The following TNIP3 variants were observed in gnomAD, a reference collection of about 807,000 sequenced individuals.
TNIP3 encodes TNFAIP3 interacting protein 3, also known as TNFAIP3-interacting protein 3.
In TNIP3, 34 loss-of-function variants were observed where a neutral mutation model predicts 54.1. That is an observed-to-expected ratio of 0.63 (90% confidence interval 0.48 to 0.84). The LOEUF is 0.84. TNIP3 is among the 40% of genes least tolerant of loss of function. TNIP3 has a pLI of 0.00. For synonymous variants in TNIP3, 134 were observed against 136.8 expected (o/e 0.98, Z 0.14); for missense variants, 366 against 387.6 (o/e 0.94, Z 0.47).
chr4:121,138,302 A>C (rs1728909350), intron 10 of TNIP3, among the ~76,000 whole-genome samples: 1 of 152,202 alleles, frequency 6.6e-6, no homozygotes, highest in Admixed American at 6.5e-5. Context: ...TGTGCTTTGT[A>C]GTACAATTGC....
chr4:121,148,516 G>A (rs575294608), intron 6 of TNIP3, among the ~76,000 whole-genome samples: 2 of 152,300 alleles, frequency 1.3e-5, no homozygotes, highest in African/African-American at 4.8e-5. Flanking sequence ...AGTGCTTTTG[G>A]TTTTTGAAGA....
At chr4:121,211,844 AGCTG>A (rs1726492329) in intron 2 of TNIP3, among the ~76,000 whole-genome samples, 1 of 152,206 alleles carries the variant, frequency 6.6e-6, no homozygotes, top group African/African-American at 2.4e-5. Flanking sequence ...AAATTCATTC[AGCTG>A]GCTGCAGGTT....
intron 2 of TNIP3, among the ~76,000 whole-genome samples, chr4:121,205,474 G>A (rs989317538): frequency 6.6e-6 from 1 of 152,114 alleles, no homozygotes; most frequent in African/African-American, 2.4e-5. Flanking sequence ...GAGTGAATGG[G>A]GGTTTTCAGC....
intron 3 of TNIP3, among the ~76,000 whole-genome samples, chr4:121,175,543 A>G (rs149419836): frequency 6.6e-6 from 1 of 152,278 alleles, no homozygotes; most frequent in Non-Finnish European, 1.5e-5. Flanking sequence ...GGCAGAGAGA[A>G]TCCTCTTCTA....
intron 2 of TNIP3, among the ~76,000 whole-genome samples, chr4:121,209,174 C>T (rs1242727964): frequency 6.6e-6 from 1 of 152,194 alleles, no homozygotes; most frequent in African/African-American, 2.4e-5. Context: ...ATCCCCATGC[C>T]TCACCCTTTG....
intron 2 of TNIP3, among the ~76,000 whole-genome samples, chr4:121,212,145 T>C (rs1726509257): frequency 6.6e-6 from 1 of 152,224 alleles, no homozygotes; most frequent in African/African-American, 2.4e-5. Flanking sequence ...GCATAAAGTA[T>C]TCAAGGCAGA....
chr4:121,176,191 G>T (rs1424907049), intron 3 of TNIP3, among the ~76,000 whole-genome samples: 2 of 152,144 alleles, frequency 1.3e-5, no homozygotes, highest in Non-Finnish European at 2.9e-5. Context: ...AAAGATGCAT[G>T]GCTCATTTAA....
At chr4:121,134,275 T>C (rs990326113) in intron 10 of TNIP3, among the ~76,000 whole-genome samples, 1 of 152,214 alleles carries the variant, frequency 6.6e-6, no homozygotes, top group Non-Finnish European at 1.5e-5. Flanking sequence ...ATTTGGAATG[T>C]ACAGAAGTGA....
rs1053190477 is a variant in TNIP3, at chr4:121,154,334, T to C, written c.492+217A>G. ...TCCTCCTCATTTCTCTTTCTCATGATGAATCTTTGTAGGGACAAAAATTCT... is the reference window on the plus strand; with the variant it reads ...TCCTCCTCATTTCTCTTTCTCATGACGAATCTTTGTAGGGACAAAAATTCT... On this transcript the variant is annotated intron_variant, in intron 5 of 10. Transcript: ENST00000057513. The C allele has an allele frequency of 1.9e-5, 10 of 514,814 alleles. No homozygotes were observed. The Admixed American group carries it at 3.5e-4, about 18-fold the overall frequency. 31.9% of individuals were successfully genotyped at this position (514,814 alleles called of 1,614,324 possible).
chr4:121,136,478 C>T (rs1429134724), intron 10 of TNIP3: 1 of 152,076 alleles, frequency 6.6e-6, no homozygotes, highest in Non-Finnish European at 1.5e-5. Flanking sequence ...TTCTCTAAGC[C>T]TCAGTTTCCT....
At chr4:121,166,894 T>C (rs919825641), upstream of TNIP3, among the ~76,000 whole-genome samples, 9 of 152,282 alleles carry the variant, frequency 5.9e-5, no homozygotes, top group South Asian at 1.9e-3. Flanking sequence ...AAGATCTAGC[T>C]CTAGAATTAG....
intron 2 of TNIP3, among the ~76,000 whole-genome samples, chr4:121,185,913 C>T (rs1354193831): frequency 6.6e-6 from 1 of 152,238 alleles, no homozygotes; most frequent in Non-Finnish European, 1.5e-5. Context: ...GCAGTCATCA[C>T]TGTTAAAATT....
chr4:121,158,774 G>T, intron 2 of TNIP3, 22 bp from the exon 3 acceptor site: 1 of 1,594,004 alleles, frequency 6.3e-7, no homozygotes, highest in Non-Finnish European at 8.5e-7. Flanking sequence ...AAAATTTGGT[G>T]AATCAACAAA....
intron 2 of TNIP3, among the ~76,000 whole-genome samples, chr4:121,210,391 T>G (rs1726416055): frequency 6.6e-6 from 1 of 152,236 alleles, no homozygotes; most frequent in African/African-American, 2.4e-5. Context: ...ATATATTGCC[T>G]GGACTTCTAG....
At chr4:121,205,611 A>G (rs895438101) in intron 2 of TNIP3, among the ~76,000 whole-genome samples, 2 of 152,082 alleles carry the variant, frequency 1.3e-5, no homozygotes. Context: ...TATGCAGGCT[A>G]GGGATGCTAG....
chr4:121,186,228 G>T (rs552030091), intron 2 of TNIP3, among the ~76,000 whole-genome samples: 4 of 152,236 alleles, frequency 2.6e-5, no homozygotes, highest in South Asian at 4.1e-4. Flanking sequence ...GACCAGACGT[G>T]GGGGGGTTTG....
Position 121,193,096 on chromosome 4 carries a change from C to T in TNIP3, c.69-10300G>A, listed in dbSNP as rs552282941. Among the ~76,000 whole-genome samples the T allele has an allele frequency of 8.5e-5, 13 of 152,222 alleles. No homozygotes were observed. The East Asian group carries it at 1.2e-3, about 14-fold the overall frequency. ...GATCATGATTTGATTCAGAATGTTTCGTATCATCTCTAACAAAACTAATGC... is the reference window on the plus strand; with the variant it reads ...GATCATGATTTGATTCAGAATGTTTTGTATCATCTCTAACAAAACTAATGC... On this transcript the variant is annotated intron_variant, in intron 2 of 12. Coordinates refer to the TNIP3 transcript ENST00000507879.
intron 2 of TNIP3, among the ~76,000 whole-genome samples, chr4:121,186,027 C>T (rs1724999350): frequency 6.6e-6 from 1 of 152,232 alleles, no homozygotes; most frequent in South Asian, 2.1e-4. Context: ...GCCCTGCGTC[C>T]TCTCACGTGA....
At chr4:121,216,629 T>A, upstream of TNIP3, 1 of 1,457,202 alleles carries the variant, frequency 6.9e-7, no homozygotes. Flanking sequence ...TTTATTCTCA[T>A]GTCTTGTTTT....
Sources: gnomAD v4.1 joint callset for allele counts (sites outside exome capture counted in the v4.1 genomes callset) on GRCh38, gnomAD v4.1.1 for gene constraint, MANE v1.5 for transcripts, NCBI Gene and HGNC (gene_info 2026-07-23, HGNC 2026-07-21) for gene names.